The following UGGT1 variants were observed in gnomAD, a reference collection of about 807,000 sequenced individuals.
UGGT1 encodes the protein UDP-glucose glycoprotein glucosyltransferase 1.
UGGT1 carries 107 observed loss-of-function variants against 203.9 expected under a neutral mutation model. That is an observed-to-expected ratio of 0.52 (90% CI 0.45 to 0.62). UGGT1 has a LOEUF of 0.62. Ranked by LOEUF, UGGT1 falls within the 20% of genes least tolerant of loss-of-function variation. The pLI is 0.00. For synonymous variants in UGGT1, 628 were observed against 653.5 expected (o/e 0.96, Z 0.59); for missense variants, 1,673 against 1,867.2 (o/e 0.90, Z 1.92).
In UGGT1 at chr2:128,152,767, C is replaced by CTTTTTTT; in HGVS notation, c.2017-14_2017-8dup. 2 of 1,572,474 alleles carry CTTTTTTT rather than the reference C, an allele frequency of 1.3e-6. No individual in the cohort carries two copies. The highest frequency in any genetic ancestry group is 1.7e-6 in the Non-Finnish European group (2 of 1,161,174). On this transcript the variant is annotated splice_polypyrimidine_tract_variant and intron_variant, in intron 18 of 40. Transcript: ENST00000259253. ...TGCTTTACCCTCCCCCCTCAACCTC[C>CTTTTTTT]TTTTTTTTTCTTGCAGGGTGAACTG...
chr2:128,094,775 GTC>G (rs1687034986), intron 1 of UGGT1, among the ~76,000 whole-genome samples: 1 of 115,858 alleles, frequency 8.6e-6, no homozygotes, highest in Non-Finnish European at 1.6e-5. Flanking sequence ...TTGAGACGGA[GTC>G]TCTCTCTGTC....
chr2:128,175,564 A>G (rs183311630), intron 31 of UGGT1, among the ~76,000 whole-genome samples: 7 of 152,376 alleles, frequency 4.6e-5, no homozygotes, highest in African/African-American at 1.7e-4. Context: ...GTAGCGACAC[A>G]CATGAAACAG....
chr2:128,170,774 T>C (rs889777396), intron 27 of UGGT1, among the ~76,000 whole-genome samples: 2 of 152,248 alleles, frequency 1.3e-5, no homozygotes, highest in African/African-American at 4.8e-5. Context: ...TTTAGACATG[T>C]ACAGTGTGTT....
chr2:128,143,314 G>C (rs959434495), intron 17 of UGGT1, 89 bp downstream of exon 17: 1 of 1,387,984 alleles, frequency 7.2e-7, no homozygotes, highest in African/African-American at 1.5e-5. Flanking sequence ...TAATGGCGAT[G>C]GTGGTTAAAG....
chr2:128,130,313 TGTG>T (rs1306405788), intron 13 of UGGT1, among the ~76,000 whole-genome samples: 2 of 151,812 alleles, frequency 1.3e-5, no homozygotes, highest in East Asian at 1.9e-4. Context: ...CTTGGGCAGT[TGTG>T]GTAAAAAATA....
rs764662574 is a variant in UGGT1 at position 128,178,525 on chromosome 2, T to C, written c.3771T>C (p.Asn1257=). 6.2e-7 allele frequency: 1 copy of C among 1,613,786 alleles called. No homozygotes were observed. The highest frequency in any genetic ancestry group is 8.5e-7 in the Non-Finnish European group (1 of 1,180,014). The change falls in exon 34 of 41, where the codon AAT becomes AAC. Residue 1257 remains asparagine, a synonymous_variant. Transcript: ENST00000259253. Reference sequence around the variant, plus strand: ...AGCAAGATAAAGATGACATAATTAATATTTTCTCCGTTGCATCTGGTCATC... The same window carrying C: ...AGCAAGATAAAGATGACATAATTAACATTTTCTCCGTTGCATCTGGTCATC... ...EVKQDKDDII[N]IFSVASGHLY...
chr2:128,145,663 AAG>A lies in UGGT1; in HGVS notation c.1852-138_1852-137del, dbSNP rs1689652821. 1.2e-5 allele frequency: 10 copies of A among 822,638 alleles called. No homozygotes were observed. In the South Asian group the frequency reaches 1.9e-4, roughly 15 times the overall value. 51.0% of individuals were successfully genotyped at this position (822,638 alleles called of 1,614,324 possible). On this transcript the variant is annotated intron_variant, in intron 17 of 40. Transcript: ENST00000259253. ...TGATGTCATTTTTCATTTTTTTAAA[AAG>A]AAATATCTTGAGTTATTTTTTCTTT...
chr2:128,109,103 GCTGGTCTCGATCTC>G (rs1687734341), intron 4 of UGGT1, among the ~76,000 whole-genome samples: 1 of 152,080 alleles, frequency 6.6e-6, no homozygotes, highest in Non-Finnish European at 1.5e-5. Flanking sequence ...TGTTGGCTAG[GCTGGTCTCGATCTC>G]CTGACCACAG....
At chr2:128,134,042 C>CG (rs869108779) in intron 14 of UGGT1, among the ~76,000 whole-genome samples, 4 of 3,684 alleles carry the variant, frequency 1.1e-3, no homozygotes, top group African/African-American at 1.3e-3. Flanking sequence ...CTCTTTTCTT[C>CG]CCCCCACTCC....
intron 12 of UGGT1, among the ~76,000 whole-genome samples, chr2:128,128,797 C>T (rs1052285744): frequency 2.0e-5 from 3 of 152,106 alleles, no homozygotes; most frequent in African/African-American, 4.8e-5. Flanking sequence ...AATACATATG[C>T]AGTTATAAGA....
chr2:128,094,518 T>C (rs1360973644), intron 1 of UGGT1, among the ~76,000 whole-genome samples: 1 of 152,172 alleles, frequency 6.6e-6, no homozygotes, highest in Non-Finnish European at 1.5e-5. Context: ...ATTCCTACTT[T>C]GATAGTCTTC....
intron 2 of UGGT1, 79 bp downstream of exon 2, chr2:128,097,643 A>G: frequency 6.5e-7 from 1 of 1,541,306 alleles, no homozygotes; most frequent in Admixed American, 1.9e-5. Flanking sequence ...GAGCTTTTTA[A>G]GGAGTGAGAT....
intron 6 of UGGT1, among the ~76,000 whole-genome samples, chr2:128,114,569 G>A (rs1353896050): frequency 6.6e-6 from 1 of 152,122 alleles, no homozygotes; most frequent in Non-Finnish European, 1.5e-5. Flanking sequence ...GTGACATCTG[G>A]TCACTCCAAG....
intron 18 of UGGT1, among the ~76,000 whole-genome samples, chr2:128,150,308 A>G (rs1477731703): frequency 6.6e-6 from 1 of 152,144 alleles, no homozygotes; most frequent in Non-Finnish European, 1.5e-5. Context: ...TGTGGCATGC[A>G]CCTGTAGTCT....
intron 26 of UGGT1, among the ~76,000 whole-genome samples, chr2:128,165,650 T>C (rs1690751983): frequency 6.6e-6 from 1 of 152,152 alleles, no homozygotes; most frequent in South Asian, 2.1e-4. Context: ...TGAGCAGAGA[T>C]CGTGCCATTG....
At chr2:128,184,025 G>T (rs547818195) in intron 38 of UGGT1, among the ~76,000 whole-genome samples, 1 of 152,040 alleles carries the variant, frequency 6.6e-6, no homozygotes, top group African/African-American at 2.4e-5. Context: ...TGGCTGGGGA[G>T]AGAGATGGAA....
At chr2:128,177,552 C>T (rs1446762652) in intron 32 of UGGT1, among the ~76,000 whole-genome samples, 2 of 115,422 alleles carry the variant, frequency 1.7e-5, no homozygotes, top group Admixed American at 8.2e-5. Context: ...GGTTTCACTG[C>T]ACAGTTGAGT....
intron 11 of UGGT1, among the ~76,000 whole-genome samples, chr2:128,124,446 A>C (rs1688519045): frequency 6.6e-6 from 1 of 152,060 alleles, no homozygotes; most frequent in South Asian, 2.1e-4. Context: ...CTGAAATTTC[A>C]TAATTATGTG....
At chr2:128,119,509 T>C (rs1418705660) in intron 8 of UGGT1, among the ~76,000 whole-genome samples, 1 of 152,218 alleles carries the variant, frequency 6.6e-6, no homozygotes, top group Non-Finnish European at 1.5e-5. Context: ...CTGTCTGATG[T>C]AAATGTTATA....
Sources: gnomAD v4.1 joint callset for allele counts (sites outside exome capture counted in the v4.1 genomes callset) on GRCh38, gnomAD v4.1.1 for gene constraint, MANE v1.5 for transcripts, NCBI Gene and HGNC (gene_info 2026-07-23, HGNC 2026-07-21) for gene names.